Variants in TAFA2 observed in about 807,000 individuals in gnomAD.
TAFA2 encodes TAFA chemokine like family member 2, also known as chemokine-like protein TAFA-2.
Under a neutral mutation model 18.8 loss-of-function variants are expected in TAFA2, and 7 were observed. The ratio of observed to expected loss-of-function variants is 0.37; its 90% CI spans 0.21 to 0.70. The LOEUF is 0.70. Ranked by LOEUF, TAFA2 falls within the 30% of genes least tolerant of loss-of-function variation. The pLI is 0.53. For synonymous variants in TAFA2, 60 were observed against 54.2 expected, an observed-to-expected ratio of 1.11 and a Z score of -0.47; for missense variants, 122 against 158.1, an observed-to-expected ratio of 0.77 and a Z score of 1.23.
Position 62,060,292 on chromosome 12 carries a change from C to A in TAFA2, c.-2+130967G>T, listed in dbSNP as rs192725262. Reference sequence around the variant, plus strand: ...CATCACATAATGACATTTTGGTCAACAATGGGCCACATAAACAATGGAGGT... The same window carrying A: ...CATCACATAATGACATTTTGGTCAAAAATGGGCCACATAAACAATGGAGGT... On this transcript the variant is annotated intron_variant, in intron 1 of 4. Coordinates refer to ENST00000416284, the MANE Select transcript of TAFA2 (RefSeq NM_178539.5). Among the ~76,000 whole-genome samples the A allele has an allele frequency of 1.9e-4, 29 of 152,240 alleles. 1 individual carries two copies. Among genetic ancestry groups the A allele is most frequent in the Admixed American group, 1.9e-3 (29 of 15,290 alleles).
chr12:61,749,746 T>G (rs1868919246), intron 4 of TAFA2, among the ~76,000 whole-genome samples: 1 of 152,052 alleles, frequency 6.6e-6, no homozygotes, highest in South Asian at 2.1e-4. Flanking sequence ...GAAAAGTCAA[T>G]AGACCTGGGA....
intron 1 of TAFA2, among the ~76,000 whole-genome samples, chr12:62,106,089 T>C (rs896321142): frequency 2.0e-5 from 3 of 152,014 alleles, no homozygotes; most frequent in Non-Finnish European, 4.4e-5. Flanking sequence ...TCCCAGCACT[T>C]AGGGAGGCCA....
At chr12:62,170,377 C>A (rs1225153972) in intron 1 of TAFA2, among the ~76,000 whole-genome samples, 2 of 152,194 alleles carry the variant, frequency 1.3e-5, no homozygotes, top group Non-Finnish European at 1.5e-5. Flanking sequence ...TGGCTAGCGT[C>A]AAGGTGCACC....
chr12:62,257,649 A>C, intron 1 of TAFA2, among the ~76,000 whole-genome samples: 1 of 152,200 alleles, frequency 6.6e-6, no homozygotes, highest in South Asian at 2.1e-4. Flanking sequence ...TTACGTTTTA[A>C]ATTGACAAAA....
chr12:62,160,692 T>C (rs1036762458), intron 1 of TAFA2, among the ~76,000 whole-genome samples: 1 of 152,202 alleles, frequency 6.6e-6, no homozygotes, highest in African/African-American at 2.4e-5. Flanking sequence ...ATTATCTATG[T>C]AGAGTTTACA....
intron 1 of TAFA2, among the ~76,000 whole-genome samples, chr12:62,214,674 C>G (rs1244402238): frequency 6.6e-6 from 1 of 152,012 alleles, no homozygotes; most frequent in Non-Finnish European, 1.5e-5. Flanking sequence ...CCCTTGTGCC[C>G]GTGGACACAG....
chr12:62,132,378 T>C (rs1207865329), intron 1 of TAFA2, among the ~76,000 whole-genome samples: 2 of 151,918 alleles, frequency 1.3e-5, no homozygotes, highest in Admixed American at 1.3e-4. Context: ...TGGCTTACAG[T>C]AACCAGGCAA....
chr12:62,098,246 T>A (rs1284827793), intron 1 of TAFA2, among the ~76,000 whole-genome samples: 1 of 152,104 alleles, frequency 6.6e-6, no homozygotes, highest in Admixed American at 6.5e-5. Flanking sequence ...GTAACACTCA[T>A]CAGAGTTTCA....
At chr12:61,885,715 A>G (rs553529133) in intron 1 of TAFA2, among the ~76,000 whole-genome samples, 4 of 152,326 alleles carry the variant, frequency 2.6e-5, no homozygotes, top group South Asian at 2.1e-4. Context: ...ATTGTCCCCA[A>G]TGGTAAACAG....
chr12:61,954,001 A>G (rs1052691021), intron 1 of TAFA2, among the ~76,000 whole-genome samples: 1 of 152,224 alleles, frequency 6.6e-6, no homozygotes, highest in Admixed American at 6.5e-5. Flanking sequence ...TTAAAGACGT[A>G]CAAGTGCAGT....
intron 1 of TAFA2, among the ~76,000 whole-genome samples, chr12:62,048,675 A>G (rs911374659): frequency 1.3e-5 from 2 of 152,184 alleles, no homozygotes; most frequent in African/African-American, 2.4e-5. Context: ...TGCCCCCACT[A>G]GTGTCATTTT....
chr12:61,994,945 CT>C (rs1206481248), intron 1 of TAFA2, among the ~76,000 whole-genome samples: 5 of 152,156 alleles, frequency 3.3e-5, no homozygotes, highest in Non-Finnish European at 4.4e-5. Context: ...CCATCCCATT[CT>C]AGACCATCCT....
upstream of TAFA2, chr12:62,259,968 T>C (rs979055189): frequency 1.1e-5 from 2 of 179,594 alleles, no homozygotes; most frequent in Admixed American, 5.7e-5. Flanking sequence ...TTCTGCCATA[T>C]CTTAGCCGTC....
At chr12:61,990,033 C>G (rs751850304) in intron 1 of TAFA2, among the ~76,000 whole-genome samples, 4 of 152,158 alleles carry the variant, frequency 2.6e-5, no homozygotes, top group African/African-American at 4.8e-5. Context: ...TGTGGCATCA[C>G]TACAACTCCC....
intron 2 of TAFA2, chr12:61,776,061 C>T: frequency 2.3e-6 from 1 of 425,912 alleles, no homozygotes; most frequent in Non-Finnish European, 4.5e-6. Context: ...GGAATGGGTA[C>T]TGTAAAAAGA....
rs945173853 is a variant in TAFA2 at position 61,708,883 on chromosome 12, G to C, written c.*1523C>G. 6.6e-6 allele frequency: 1 copy of C among 152,236 alleles called. No individual in the cohort carries two copies. Among genetic ancestry groups the C allele is most frequent in the African/African-American group, 2.4e-5 (1 of 41,568 alleles). 9.4% of individuals were successfully genotyped at this position (152,236 alleles called of 1,614,324 possible). ...ATGGGCCTCTATCCTGGAAACCAAC[G>C]TATGTCTAACTGACCACGTCAGTGA... On this transcript the variant is annotated 3_prime_UTR_variant, in exon 5 of 5. Coordinates refer to ENST00000416284, the MANE Select transcript of TAFA2 (RefSeq NM_178539.5).
chr12:61,890,988 G>A (rs2121295543), intron 1 of TAFA2, among the ~76,000 whole-genome samples: 1 of 152,246 alleles, frequency 6.6e-6, no homozygotes, highest in East Asian at 1.9e-4. Flanking sequence ...GCACAGATCT[G>A]TTTTAGAAAA....
chr12:62,151,141 C>T (rs773837687), intron 1 of TAFA2, among the ~76,000 whole-genome samples: 14 of 152,198 alleles, frequency 9.2e-5, no homozygotes, highest in Non-Finnish European at 1.9e-4. Context: ...CACATCACCA[C>T]CATCACCTTC....
chr12:61,995,430 T>C (rs1421814507), intron 1 of TAFA2, among the ~76,000 whole-genome samples: 1 of 152,234 alleles, frequency 6.6e-6, no homozygotes, highest in Non-Finnish European at 1.5e-5. Flanking sequence ...TTTCTCTAAT[T>C]GTATACTATG....
Sources: gnomAD v4.1 joint callset for allele counts (sites outside exome capture counted in the v4.1 genomes callset) on GRCh38, gnomAD v4.1.1 for gene constraint, MANE v1.5 for transcripts, NCBI Gene and HGNC (gene_info 2026-07-23, HGNC 2026-07-21) for gene names.